Variants in ZBTB7C observed in about 807,000 individuals in gnomAD.
ZBTB7C encodes the protein zinc finger and BTB domain containing 7C, also known as zinc finger and BTB domain-containing protein 7C.
Under a neutral mutation model 25.7 loss-of-function variants are expected in ZBTB7C, and 8 were observed. The ratio of observed to expected loss-of-function variants is 0.31; its 90% CI spans 0.18 to 0.56. The LOEUF (loss-of-function observed/expected upper bound fraction) is 0.56, where lower values mean the gene tolerates loss of function less well. Among genes scored for constraint, ZBTB7C ranks in the 20% least tolerant of loss-of-function variants. The pLI is 0.91. For synonymous variants in ZBTB7C, 394 were observed against 369.0 expected (o/e 1.07, Z -0.78); for missense variants, 824 against 855.2 (o/e 0.96, Z 0.46).
At chr18:48,084,922 C>T (rs2038138060) in intron 3 of ZBTB7C, among the ~76,000 whole-genome samples, 1 of 152,186 alleles carries the variant, frequency 6.6e-6, no homozygotes. Context: ...CTACTGACCC[C>T]TGAAGCTTCC....
intron 3 of ZBTB7C, among the ~76,000 whole-genome samples, chr18:48,079,771 C>T (rs7504329): frequency 0.53 from 79,928 of 152,186 alleles, 23,236 homozygotes; most frequent in African/African-American, 0.79. Context: ...CATTCCACTT[C>T]GTGGGGTATG....
At chr18:48,363,415 C>CCTG (rs886702501) in intron 1 of ZBTB7C, among the ~76,000 whole-genome samples, 2 of 151,996 alleles carry the variant, frequency 1.3e-5, no homozygotes, top group African/African-American at 4.8e-5. Context: ...ACCTAGAATT[C>CCTG]CTGCTGCTGC....
intron 3 of ZBTB7C, among the ~76,000 whole-genome samples, chr18:48,097,645 C>T (rs1568215866): frequency 6.6e-6 from 1 of 152,180 alleles, no homozygotes; most frequent in Non-Finnish European, 1.5e-5. Context: ...AATCTACCCG[C>T]CTTGGCCTCC....
At chr18:48,362,167 C>G (rs1159760907) in intron 1 of ZBTB7C, among the ~76,000 whole-genome samples, 1 of 152,212 alleles carries the variant, frequency 6.6e-6, no homozygotes, top group African/African-American at 2.4e-5. Flanking sequence ...GAGCAGAGCC[C>G]CTGGGACAGA....
chr18:48,081,869 A>G (rs1221035611), intron 3 of ZBTB7C, among the ~76,000 whole-genome samples: 1 of 151,980 alleles, frequency 6.6e-6, no homozygotes, highest in Non-Finnish European at 1.5e-5. Context: ...AAGATTTAGT[A>G]CCAAAAAAAA....
chr18:48,043,557 A>G (rs2036346960), intron 3 of ZBTB7C, among the ~76,000 whole-genome samples: 1 of 152,170 alleles, frequency 6.6e-6, no homozygotes, highest in South Asian at 2.1e-4. Flanking sequence ...TGGAGAAGAG[A>G]TGAGGGTTGC....
chr18:48,403,709 G>A (rs896901298), intron 1 of ZBTB7C, among the ~76,000 whole-genome samples: 2 of 152,132 alleles, frequency 1.3e-5, no homozygotes, highest in African/African-American at 4.8e-5. Context: ...ATAAAAGACT[G>A]CACATTGGGT....
At chr18:48,144,784 A>T (rs560035160) in intron 3 of ZBTB7C, among the ~76,000 whole-genome samples, 3 of 152,162 alleles carry the variant, frequency 2.0e-5, no homozygotes, top group Non-Finnish European at 2.9e-5. Context: ...TGGGGAGTCC[A>T]TGGGAGAGTT....
intron 3 of ZBTB7C, among the ~76,000 whole-genome samples, chr18:48,050,786 A>G (rs1041105323): frequency 6.6e-6 from 1 of 152,068 alleles, no homozygotes; most frequent in African/African-American, 2.4e-5. Flanking sequence ...TTTTTCTGCA[A>G]CCAGTCACTC....
At chr18:48,390,742 T>G (rs1387151705) in intron 1 of ZBTB7C, among the ~76,000 whole-genome samples, 2 of 152,220 alleles carry the variant, frequency 1.3e-5, no homozygotes, top group African/African-American at 4.8e-5. Flanking sequence ...GGGCCACAGT[T>G]CTGCCATCCA....
intron 3 of ZBTB7C, among the ~76,000 whole-genome samples, chr18:48,073,965 T>C (rs1264636433): frequency 6.6e-6 from 1 of 152,078 alleles, no homozygotes; most frequent in African/African-American, 2.4e-5. Flanking sequence ...CAGCCAGGCC[T>C]GCAGTGGGTA....
At chr18:48,261,205 C>A (rs1379536303) in intron 2 of ZBTB7C, among the ~76,000 whole-genome samples, 1 of 152,106 alleles carries the variant, frequency 6.6e-6, no homozygotes, top group Non-Finnish European at 1.5e-5. Flanking sequence ...GAATGGAGAG[C>A]CCACAGGAAT....
chr18:48,320,617 C>T (rs2046067546), intron 2 of ZBTB7C, among the ~76,000 whole-genome samples: 1 of 152,208 alleles, frequency 6.6e-6, no homozygotes. Context: ...GGCTCCCAGG[C>T]TGACAGCCAA....
In ZBTB7C at chr18:48,221,440, T is replaced by G. The variant is rs2042954163; in HGVS notation, c.-78-35445A>C. Among the ~76,000 whole-genome samples, 3 of 135,624 alleles carry G rather than the reference T, an allele frequency of 2.2e-5. No homozygotes were observed. The South Asian group carries it at 6.5e-4, about 29-fold the overall frequency. 89.0% of individuals were successfully genotyped at this position (135,624 alleles called of 152,430 possible). On this transcript the variant is annotated intron_variant, in intron 2 of 4. Transcript: ENST00000590800. ...TATACTGTCCTTGTCTCCTCTATAC[T>G]GTCCTAGCTTCCTCTACACTGTCCT...
intron 3 of ZBTB7C, among the ~76,000 whole-genome samples, chr18:48,163,361 C>G (rs184433696): frequency 2.9e-4 from 44 of 152,312 alleles, no homozygotes; most frequent in Admixed American, 1.8e-3. Flanking sequence ...CTGAGCTCCT[C>G]CCTTCTTGAA....
intron 2 of ZBTB7C, among the ~76,000 whole-genome samples, chr18:48,273,494 C>T (rs1205400633): frequency 6.6e-6 from 1 of 151,860 alleles, no homozygotes; most frequent in Non-Finnish European, 1.5e-5. Flanking sequence ...AATTAGTTAC[C>T]TCAATGAAGT....
intron 3 of ZBTB7C, among the ~76,000 whole-genome samples, chr18:48,103,347 A>G (rs1052373346): frequency 3.9e-4 from 59 of 152,164 alleles, no homozygotes; most frequent in African/African-American, 1.3e-3. Context: ...TTCAATTGAG[A>G]GAAAAGAAGG....
In ZBTB7C at chr18:48,313,607, G is replaced by A. The variant is rs182945037; in HGVS notation, c.-79+24567C>T. Reference sequence around the variant, plus strand: ...CCTGGGAGCTTGCTAGAAATGTAGAGTCTCTGCCCTGCCCTATATCAACTC... The same window carrying A: ...CCTGGGAGCTTGCTAGAAATGTAGAATCTCTGCCCTGCCCTATATCAACTC... On this transcript the variant is annotated intron_variant, in intron 2 of 4. Transcript: ENST00000590800. Among the ~76,000 whole-genome samples the A allele has an allele frequency of 1.2e-3, 181 of 152,304 alleles. 2 individuals carry two copies. Among genetic ancestry groups the A allele is most frequent in the African/African-American group, 4.0e-3 (166 of 41,570 alleles).
chr18:48,156,849 A>T (rs8090769), intron 3 of ZBTB7C, among the ~76,000 whole-genome samples: 3,078 of 151,104 alleles, frequency 0.02, 111 homozygotes, highest in African/African-American at 0.071. Context: ...AGAGCGAGTG[A>T]TGTTGGATAA....
Sources: gnomAD v4.1 joint callset for allele counts (sites outside exome capture counted in the v4.1 genomes callset) on GRCh38, gnomAD v4.1.1 for gene constraint, MANE v1.5 for transcripts, NCBI Gene and HGNC (gene_info 2026-07-23, HGNC 2026-07-21) for gene names.